Variants in CAMK1D observed in about 807,000 individuals in gnomAD.
CAMK1D encodes calcium/calmodulin-dependent protein kinase type 1D.
Under a neutral mutation model 47.7 loss-of-function variants are expected in CAMK1D, and 9 were observed. That is an observed-to-expected ratio of 0.19 (90% CI 0.11 to 0.33). The LOEUF is 0.33. Ranked by LOEUF, CAMK1D falls within the 10% of genes least tolerant of loss-of-function variation. CAMK1D has a pLI of 1.00. For synonymous variants in CAMK1D, 184 were observed against 184.9 expected (o/e 0.99, Z 0.04); for missense variants, 291 against 488.7 (o/e 0.60, Z 3.81).
intron 1 of CAMK1D, among the ~76,000 whole-genome samples, chr10:12,492,254 G>A (rs937458605): frequency 2.0e-5 from 3 of 151,122 alleles, no homozygotes; most frequent in East Asian, 2.0e-4. Context: ...AGCCTGAGCC[G>A]CCATCATGGT....
chr10:12,664,132 A>G (rs1588753991), intron 2 of CAMK1D, among the ~76,000 whole-genome samples: 1 of 152,330 alleles, frequency 6.6e-6, no homozygotes, highest in East Asian at 1.9e-4. Flanking sequence ...ACTTAAAGGC[A>G]ATTCTACAGA....
chr10:12,588,190 A>T (rs1837877875), intron 2 of CAMK1D, among the ~76,000 whole-genome samples: 1 of 152,250 alleles, frequency 6.6e-6, no homozygotes, highest in African/African-American at 2.4e-5. Flanking sequence ...TAAATGGGTG[A>T]CAGTCTGCAA....
intron 3 of CAMK1D, among the ~76,000 whole-genome samples, chr10:12,693,236 G>A (rs1352004094): frequency 2.0e-5 from 3 of 152,092 alleles, no homozygotes; most frequent in Non-Finnish European, 4.4e-5. Flanking sequence ...ATGGTGGCGT[G>A]CGCCTGTAGT....
At chr10:12,767,276 C>A in intron 4 of CAMK1D, among the ~76,000 whole-genome samples, 1 of 152,144 alleles carries the variant, frequency 6.6e-6, no homozygotes, top group East Asian at 1.9e-4. Flanking sequence ...CTCCCAGGTT[C>A]AAGTGATTCT....
intron 2 of CAMK1D, among the ~76,000 whole-genome samples, chr10:12,577,668 T>G (rs1369024705): frequency 1.3e-5 from 2 of 152,208 alleles, no homozygotes; most frequent in Non-Finnish European, 1.5e-5. Flanking sequence ...ATTGGTTCAC[T>G]CCCTCTTCCT....
chr10:12,506,788 G>C (rs1181181826), intron 1 of CAMK1D, among the ~76,000 whole-genome samples: 1 of 152,174 alleles, frequency 6.6e-6, no homozygotes, highest in Non-Finnish European at 1.5e-5. Flanking sequence ...AAAGTGCTGG[G>C]ATTACAGGCG....
chr10:12,576,569 T>C (rs879220856), intron 2 of CAMK1D, among the ~76,000 whole-genome samples: 3 of 152,178 alleles, frequency 2.0e-5, no homozygotes, highest in African/African-American at 4.8e-5. Flanking sequence ...ATGGTCCTAC[T>C]TGGGGGTGAT....
intron 5 of CAMK1D, among the ~76,000 whole-genome samples, chr10:12,773,821 C>T (rs1175070998): frequency 6.6e-6 from 1 of 152,168 alleles, no homozygotes; most frequent in African/African-American, 2.4e-5. Context: ...ATCACTTAAA[C>T]CTGGGAGACA....
chr10:12,428,767 T>A lies in CAMK1D; in HGVS notation c.92+78857T>A, dbSNP rs544715787. 1.5e-3 allele frequency among the ~76,000 whole-genome samples: 224 copies of A among 152,284 alleles called. 2 individuals are homozygous for A. The highest frequency in any genetic ancestry group is 2.5e-4 in the Non-Finnish European group (17 of 68,010). ...ATTCTCACTCCCAATGCGACGGTGT[T>A]AGGAAGTGGGGCCTTTGGGAGGTGA... On this transcript the variant is annotated intron_variant, in intron 1 of 10. Coordinates refer to ENST00000619168, the MANE Select transcript of CAMK1D (RefSeq NM_153498.4).
At chr10:12,402,954 A>G (rs573932422) in intron 1 of CAMK1D, among the ~76,000 whole-genome samples, 42 of 152,266 alleles carry the variant, frequency 2.8e-4, no homozygotes, top group Admixed American at 7.8e-4. Context: ...CCAGGGCTAG[A>G]ATAAGATACA....
chr10:12,557,281 G>A (rs567350171), intron 2 of CAMK1D, among the ~76,000 whole-genome samples: 16 of 152,116 alleles, frequency 1.1e-4, no homozygotes, highest in African/African-American at 3.1e-4. Context: ...CGGGTGCCAC[G>A]GCTCACGCCT....
At chr10:12,791,014 A>C in intron 5 of CAMK1D, 144 bp from the exon 6 acceptor site, 1 of 659,654 alleles carries the variant, frequency 1.5e-6, no homozygotes, top group Non-Finnish European at 2.6e-6. Flanking sequence ...TAAAAAAAAA[A>C]AGCCAACACA....
chr10:12,776,441 C>T (rs998295728), intron 5 of CAMK1D, among the ~76,000 whole-genome samples: 2 of 152,126 alleles, frequency 1.3e-5, no homozygotes, highest in Non-Finnish European at 2.9e-5. Context: ...AGTCGATTCT[C>T]GCTGTTCGTA....
At chr10:12,370,192 G>T (rs1464350644) in intron 1 of CAMK1D, among the ~76,000 whole-genome samples, 1 of 152,018 alleles carries the variant, frequency 6.6e-6, no homozygotes. Flanking sequence ...CCTCGTTGTC[G>T]CTGTCATGAT....
chr10:12,680,463 G>T (rs915256531), intron 3 of CAMK1D, among the ~76,000 whole-genome samples: 2 of 152,166 alleles, frequency 1.3e-5, no homozygotes, highest in Non-Finnish European at 2.9e-5. Context: ...CATTTTCTGA[G>T]TGTTAATCTC....
At chr10:12,828,556 G>A (rs1381769890) in intron 10 of CAMK1D, among the ~76,000 whole-genome samples, 6 of 151,898 alleles carry the variant, frequency 4.0e-5, no homozygotes, top group African/African-American at 1.5e-4. Flanking sequence ...CACGAGAATC[G>A]CTTGAACCTG....
chr10:12,395,674 G>A (rs1438131987), intron 1 of CAMK1D, among the ~76,000 whole-genome samples: 4 of 151,982 alleles, frequency 2.6e-5, no homozygotes, highest in Non-Finnish European at 5.9e-5. Context: ...CAGCATTCTG[G>A]GAGGCCGAGG....
chr10:12,596,841 C>T (rs916413910), intron 2 of CAMK1D, among the ~76,000 whole-genome samples: 1 of 151,830 alleles, frequency 6.6e-6, no homozygotes, highest in African/African-American at 2.4e-5. Context: ...TTTTTTAGAC[C>T]TGGTAATTTT....
At chr10:12,641,245 A>G (rs1168178812) in intron 2 of CAMK1D, among the ~76,000 whole-genome samples, 1 of 152,238 alleles carries the variant, frequency 6.6e-6, no homozygotes. Context: ...CTGGGATTAC[A>G]AGCGTCAGCT....
Sources: gnomAD v4.1 joint callset for allele counts (sites outside exome capture counted in the v4.1 genomes callset) on GRCh38, gnomAD v4.1.1 for gene constraint, MANE v1.5 for transcripts, NCBI Gene and HGNC (gene_info 2026-07-23, HGNC 2026-07-21) for gene names.